The following CDS1 variants were observed in gnomAD, a reference collection of about 807,000 sequenced individuals.
CDS1 encodes CDP-diacylglycerol synthase 1, also known as phosphatidate cytidylyltransferase 1.
CDS1 carries 41 observed loss-of-function variants against 62.1 expected under a neutral mutation model. The observed-to-expected ratio is 0.66, with a 90% CI of 0.51 to 0.86. The LOEUF (loss-of-function observed/expected upper bound fraction) is 0.86, where lower values mean the gene tolerates loss of function less well. Among genes scored for constraint, CDS1 ranks in the 40% least tolerant of loss-of-function variants. The probability of loss-of-function intolerance (pLI) is 0.00; values close to 1 mark genes in which losing one functional copy is unlikely to be tolerated. For synonymous variants in CDS1, 185 were observed against 192.6 expected (o/e 0.96, Z 0.32); for missense variants, 470 against 550.1 (o/e 0.85, Z 1.46).
chr4:84,612,182 C>G (rs1044135740), intron 3 of CDS1, among the ~76,000 whole-genome samples: 1 of 151,598 alleles, frequency 6.6e-6, no homozygotes, highest in Non-Finnish European at 1.5e-5. Flanking sequence ...TCCTTGAGCA[C>G]AGGGCTGAAA....
At chr4:84,600,611 G>C (rs1319930362) in intron 1 of CDS1, among the ~76,000 whole-genome samples, 1 of 152,106 alleles carries the variant, frequency 6.6e-6, no homozygotes, top group Non-Finnish European at 1.5e-5. Flanking sequence ...ATGTATGTAG[G>C]TTTATTTATG....
At chr4:84,610,357 A>G (rs1723280639) in intron 3 of CDS1, among the ~76,000 whole-genome samples, 1 of 152,178 alleles carries the variant, frequency 6.6e-6, no homozygotes, top group Non-Finnish European at 1.5e-5. Flanking sequence ...AAGATCTGCA[A>G]GTTGCACATG....
At chr4:84,645,998 T>C (rs1009259152) in intron 12 of CDS1, among the ~76,000 whole-genome samples, 2 of 152,176 alleles carry the variant, frequency 1.3e-5, no homozygotes, top group Non-Finnish European at 2.9e-5. Flanking sequence ...TGCCTTGAAA[T>C]ACCAGTGTGA....
intron 11 of CDS1, among the ~76,000 whole-genome samples, chr4:84,644,550 T>G (rs1724496134): frequency 6.6e-6 from 1 of 152,184 alleles, no homozygotes; most frequent in African/African-American, 2.4e-5. Flanking sequence ...GCTGTTGTAG[T>G]TTAGATATTT....
rs759794177 is a variant in CDS1 at position 84,604,394 on chromosome 4, T to C, written c.245+24T>C. The C allele has an allele frequency of 1.9e-6, 3 of 1,607,640 alleles. No individual in the cohort carries two copies. In the African/African-American group the frequency reaches 4.0e-5, roughly 22 times the overall value. Reference sequence around the variant, plus strand: ...AGGTATGATTGGATGAAGATGAGTATATCTTAGTGCACAAGATAGGCTTTG... The same window carrying C: ...AGGTATGATTGGATGAAGATGAGTACATCTTAGTGCACAAGATAGGCTTTG... On this transcript the variant is annotated intron_variant, in intron 2 of 12. Coordinates refer to ENST00000295887, the MANE Select transcript of CDS1 (RefSeq NM_001263.4).
At position 84,609,476 on chromosome 4, in the gene CDS1, C is replaced by A. The variant is rs1553903405; in HGVS notation, c.293C>A (p.Ser98Ter). Reference sequence around the variant, plus strand: ...GGAATTCTCACTCTAACTATGATCTCGTTGTTTTTCCTGATCATCTATATG... The same window carrying A: ...GGAATTCTCACTCTAACTATGATCTAGTTGTTTTTCCTGATCATCTATATG... ...IRGILTLTMISLFFLIIYMGS... is the reference protein window; with the variant it reads ...IRGILTLTMI Residue 98 changes from serine to a stop codon, truncating the protein, a stop_gained, in exon 3 of 13, where the codon TCG (serine) becomes TAG (stop). Transcript: ENST00000295887. LOFTEE classifies it high-confidence loss of function. The A allele has an allele frequency of 1.9e-6, 3 of 1,611,952 alleles. No individual in the cohort carries two copies. The highest frequency in any genetic ancestry group is 1.7e-6 in the Non-Finnish European group (2 of 1,178,318).
intron 2 of CDS1, among the ~76,000 whole-genome samples, chr4:84,608,914 C>T (rs747086656): frequency 1.3e-5 from 2 of 151,828 alleles, no homozygotes; most frequent in Non-Finnish European, 2.9e-5. Context: ...CGTGGTGGCT[C>T]ACACCTGTAA....
At chr4:84,637,495 T>C (rs1156865212) in intron 8 of CDS1, among the ~76,000 whole-genome samples, 2 of 151,964 alleles carry the variant, frequency 1.3e-5, no homozygotes, top group Non-Finnish European at 2.9e-5. Context: ...CAACCAGATA[T>C]CATGAGAACT....
chr4:84,609,522 T>G lies in CDS1; in HGVS notation c.339T>G (p.Leu113=), dbSNP rs562774914. Residue 113 remains leucine (L), a synonymous_variant, in exon 3 of 13, where the codon CTT becomes CTG. Transcript: ENST00000295887. ...ATATGGGATCCTTCATGCTGATGCT[T>G]CTTGTAAGTTTTTGACTTTTCCCTG... ...IIYMGSFMLM[L]LVLGIQVKCF... 3.8e-6 allele frequency: 6 copies of G among 1,576,540 alleles called. No individual in the cohort carries two copies. The highest frequency in any genetic ancestry group is 4.5e-5 in the East Asian group (2 of 44,658).
intron 5 of CDS1, among the ~76,000 whole-genome samples, chr4:84,627,657 C>T (rs1723902025): frequency 6.6e-6 from 1 of 152,168 alleles, no homozygotes; most frequent in African/African-American, 2.4e-5. Context: ...ATTTTGATTT[C>T]TTTAAAGTTC....
chr4:84,588,030 CTGTT>C (rs1722471816), intron 1 of CDS1, among the ~76,000 whole-genome samples: 1 of 152,222 alleles, frequency 6.6e-6, no homozygotes, highest in Admixed American at 6.5e-5. Context: ...CTTTGCAGGG[CTGTT>C]TGTTTGCAGG....
chr4:84,589,814 G>T (rs58536705), intron 1 of CDS1, among the ~76,000 whole-genome samples: 46,330 of 151,366 alleles, frequency 0.31, 7,071 homozygotes, highest in East Asian at 0.44. Flanking sequence ...GGTCTTTTTT[G>T]TTTTGTTTTG....
intron 8 of CDS1, 53 bp from the exon 9 acceptor site, chr4:84,638,869 ATT>A (rs1491440899): frequency 5.6e-5 from 29 of 513,876 alleles, no homozygotes; most frequent in Middle Eastern, 5.7e-4. Context: ...ATATATATAT[ATT>A]GTGAGTTTTG....
chr4:84,640,875 G>T lies in CDS1; in HGVS notation c.917G>T (p.Cys306Phe). Reference protein sequence around the residue: ...YVLSKYQYFVCPVEYRSDVNS... With the variant: ...YVLSKYQYFVFPVEYRSDVNS... ...TTATCCAAATACCAGTACTTTGTCT[G>T]CCCAGTGGAATACCGAAGTGATGTA... Residue 306 changes from cysteine to phenylalanine, a missense_variant, in exon 10 of 13, where the codon TGC (cysteine) becomes TTC (phenylalanine). Cys to Phe is a radical substitution (Grantham distance 205). Transcript: ENST00000295887. 1 of 1,608,322 alleles carries T rather than the reference G, an allele frequency of 6.2e-7. No individual in the cohort carries two copies. The highest frequency in any genetic ancestry group is 1.1e-5 in the South Asian group (1 of 90,238).
At chr4:84,638,463 A>G (rs1056556634) in intron 8 of CDS1, among the ~76,000 whole-genome samples, 2 of 152,172 alleles carry the variant, frequency 1.3e-5, no homozygotes, top group African/African-American at 4.8e-5. Flanking sequence ...ATGTGCTAAA[A>G]TGTCCATGTT....
intron 8 of CDS1, among the ~76,000 whole-genome samples, chr4:84,637,124 A>G (rs1015962272): frequency 2.0e-5 from 3 of 152,170 alleles, no homozygotes; most frequent in Non-Finnish European, 4.4e-5. Context: ...TGCTGAAAGC[A>G]TCAGCACACA....
Position 84,643,041 on chromosome 4 carries a change from C to T in CDS1, c.1050C>T (p.Tyr350=), listed in dbSNP as rs1724438452. 1 of 1,609,324 alleles carries T rather than the reference C, an allele frequency of 6.2e-7. No individual in the cohort carries two copies. Residue 350 remains tyrosine (Y), a synonymous_variant, in exon 11 of 13, where the codon TAC becomes TAT. Transcript: ENST00000295887. The part of the protein sequence containing the change: ...AVLRQERVSL[Y]PFQIHSIALS... ...CTCTTTAGGAAAGAGTGAGCTTGTACCCTTTCCAGATCCACAGCATTGCAC... is the reference window on the plus strand; with the variant it reads ...CTCTTTAGGAAAGAGTGAGCTTGTATCCTTTCCAGATCCACAGCATTGCAC...
At chr4:84,626,648 T>C (rs2148652687) in intron 5 of CDS1, among the ~76,000 whole-genome samples, 1 of 152,330 alleles carries the variant, frequency 6.6e-6, no homozygotes, top group South Asian at 2.1e-4. Context: ...TTAAATGATG[T>C]AACTTCCAGT....
chr4:84,621,273 AT>A (rs1240350386), intron 5 of CDS1, among the ~76,000 whole-genome samples: 1 of 152,068 alleles, frequency 6.6e-6, no homozygotes, highest in African/African-American at 2.4e-5. Context: ...CAATAAATGA[AT>A]TTTTCTCCTG....
Sources: gnomAD v4.1 joint callset for allele counts (sites outside exome capture counted in the v4.1 genomes callset) on GRCh38, gnomAD v4.1.1 for gene constraint, MANE v1.5 for transcripts, NCBI Gene and HGNC (gene_info 2026-07-23, HGNC 2026-07-21) for gene names.